The following PTGIS variants were observed in gnomAD, a reference collection of about 807,000 sequenced individuals.
PTGIS encodes the protein prostaglandin I2 synthase.
In PTGIS, 45 loss-of-function variants were observed where a neutral mutation model predicts 50.3. The observed-to-expected ratio is 0.90, with a 90% CI of 0.70 to 1.15. The LOEUF (loss-of-function observed/expected upper bound fraction) is 1.15. Among genes scored for constraint, PTGIS ranks in the 50% most tolerant of loss-of-function variants. The probability of loss-of-function intolerance (pLI) is 0.00; values close to 1 mark genes in which losing one functional copy is unlikely to be tolerated. For synonymous variants in PTGIS, 260 were observed against 267.7 expected, an observed-to-expected ratio of 0.97 and a Z score of 0.28; for missense variants, 668 against 661.3, an observed-to-expected ratio of 1.01 and a Z score of -0.11.
At position 49,507,079 on chromosome 20, in the gene PTGIS, G is replaced by A. The variant is rs1191550134; in HGVS notation, c.*841C>T. 1.3e-5 allele frequency: 2 copies of A among 152,250 alleles called. No individual in the cohort carries two copies. The highest frequency in any genetic ancestry group is 4.8e-5 in the African/African-American group (2 of 41,428). 9.4% of individuals were successfully genotyped at this position (152,250 alleles called of 1,614,324 possible). On this transcript the variant is annotated 3_prime_UTR_variant, in exon 10 of 10. Transcript: ENST00000244043. Reference sequence around the variant, plus strand: ...GCAGACTGGATCGTGATCACAGTTGGGGCTTCTGCACTAGAATGCATGAAA... The same window carrying A: ...GCAGACTGGATCGTGATCACAGTTGAGGCTTCTGCACTAGAATGCATGAAA...
chr20:49,535,565 G>A (rs1448320407), intron 5 of PTGIS, among the ~76,000 whole-genome samples: 1 of 152,236 alleles, frequency 6.6e-6, no homozygotes, highest in Non-Finnish European at 1.5e-5. Context: ...CCAGGCTGGA[G>A]TGCAGTGGCG....
rs1268767631 is a variant in PTGIS at position 49,506,194 on chromosome 20, C to G, written c.*1726G>C. ...AAGTCACCTCACCTCTCAGTTTTCT[C>G]ATCTATGAAGTGGGCACAACCCTCC... On this transcript the variant is annotated 3_prime_UTR_variant, in exon 10 of 10. Transcript: ENST00000244043. The G allele has an allele frequency of 6.6e-6, 1 of 152,436 alleles. No homozygotes were observed. Among genetic ancestry groups the G allele is most frequent in the Non-Finnish European group, 1.5e-5 (1 of 68,038 alleles). The allele number at this position is 152,436 out of a possible 1,614,324, so 9.4% of individuals were successfully genotyped here.
intron 5 of PTGIS, among the ~76,000 whole-genome samples, chr20:49,531,180 A>T (rs1271338026): frequency 6.6e-6 from 1 of 152,222 alleles, no homozygotes; most frequent in Non-Finnish European, 1.5e-5. Flanking sequence ...CACGCGAAAT[A>T]ATTTTTAAAA....
At chr20:49,517,323 C>T (rs893159142) in intron 6 of PTGIS, among the ~76,000 whole-genome samples, 1 of 152,224 alleles carries the variant, frequency 6.6e-6, no homozygotes, top group African/African-American at 2.4e-5. Context: ...ATGGGGGCCA[C>T]CGCTCATTAA....
intron 1 of PTGIS, among the ~76,000 whole-genome samples, chr20:49,554,219 A>C (rs1403029061): frequency 6.6e-6 from 1 of 152,256 alleles, no homozygotes; most frequent in East Asian, 1.9e-4. Context: ...AGCTCATATA[A>C]ATTTTTTCCC....
chr20:49,514,856 C>G (rs529054662), intron 6 of PTGIS, among the ~76,000 whole-genome samples: 1 of 152,172 alleles, frequency 6.6e-6, no homozygotes, highest in African/African-American at 2.4e-5. Context: ...TATGCTCAGC[C>G]GTGGACTTGC....
Position 49,550,151 on chromosome 20 carries a change from G to A in PTGIS, c.113C>T (p.Pro38Leu), listed in dbSNP as rs1173082660. Residue 38 changes from proline (P) to leucine (L), a missense_variant, in exon 2 of 10, where the codon CCC becomes CTC. Coordinates refer to ENST00000244043, the MANE Select transcript of PTGIS (RefSeq NM_000961.4). ...AAAGTCCAAGGCATACCCCAACCAG[G>A]GGATGCTGCCCAGGTCCAGGGGAGG... ...GEPPLDLGSI[P>L]WLGYALDFGK... is the part of the protein sequence containing the mutation. The A allele has an allele frequency of 3.1e-6, 5 of 1,613,856 alleles. No individual in the cohort carries two copies. Among genetic ancestry groups the A allele is most frequent in the Admixed American group, 3.3e-5 (2 of 60,000 alleles).
chr20:49,518,181 G>T (rs890881584), intron 6 of PTGIS, among the ~76,000 whole-genome samples: 3 of 152,210 alleles, frequency 2.0e-5, no homozygotes, highest in Admixed American at 6.5e-5. Flanking sequence ...TTATGATTTA[G>T]AAGATTCCAA....
At chr20:49,514,494 C>A (rs931522272) in intron 6 of PTGIS, 99 bp from the exon 7 acceptor site, 4 of 1,428,120 alleles carry the variant, frequency 2.8e-6, no homozygotes, top group Admixed American at 3.9e-5. Context: ...GCCAGTAGGC[C>A]TGGGTTCCCA....
At chr20:49,512,381 A>G (rs891054406) in intron 8 of PTGIS, among the ~76,000 whole-genome samples, 4 of 149,852 alleles carry the variant, frequency 2.7e-5, no homozygotes, top group African/African-American at 9.9e-5. Flanking sequence ...GAATGGGTAG[A>G]TGGGTGGATG....
chr20:49,529,520 G>A (rs1292716823), intron 5 of PTGIS, among the ~76,000 whole-genome samples: 6 of 152,046 alleles, frequency 3.9e-5, no homozygotes, highest in Non-Finnish European at 8.8e-5. Flanking sequence ...CACTTTCCAA[G>A]GTTTCCATCA....
chr20:49,555,801 T>C (rs985979264), intron 1 of PTGIS, among the ~76,000 whole-genome samples: 33 of 152,246 alleles, frequency 2.2e-4, no homozygotes, highest in Non-Finnish European at 1.3e-4. Context: ...GATCTTTTTA[T>C]AGGTGATTTA....
At position 49,550,207 on chromosome 20, in the gene PTGIS, C is replaced by T. The variant is rs13306024; in HGVS notation, c.75-18G>A. ...CAGGTCGCCTACAGAAGCCATGGCA[C>T]TTGTCACCATTTGATAAGGCAAGGA... On this transcript the variant is annotated intron_variant, in intron 1 of 9. Transcript: ENST00000244043. 0.011 allele frequency: 18,067 copies of T among 1,610,742 alleles called. 723 individuals are homozygous for T. The African/African-American group carries it at 0.13, about 12-fold the overall frequency.
chr20:49,523,822 C>G (rs548908318), intron 6 of PTGIS, among the ~76,000 whole-genome samples: 1 of 152,190 alleles, frequency 6.6e-6, no homozygotes, highest in Non-Finnish European at 1.5e-5. Context: ...TGTTTCTGTT[C>G]GTGATGCTAT....
intron 1 of PTGIS, among the ~76,000 whole-genome samples, chr20:49,564,776 ATTTT>A (rs36072980): frequency 6.6e-6 from 1 of 152,106 alleles, no homozygotes; most frequent in Admixed American, 6.6e-5. Flanking sequence ...GTGGAGTATA[ATTTT>A]TGTATGACCT....
chr20:49,560,778 T>C (rs1982751942), intron 1 of PTGIS, among the ~76,000 whole-genome samples: 2 of 151,914 alleles, frequency 1.3e-5, no homozygotes, highest in Non-Finnish European at 2.9e-5. Flanking sequence ...CCAGCGTGGC[T>C]GGAGTGGAGA....
intron 5 of PTGIS, among the ~76,000 whole-genome samples, chr20:49,538,321 T>TG (rs1284594080): frequency 6.7e-6 from 1 of 149,136 alleles, no homozygotes; most frequent in African/African-American, 2.5e-5. Context: ...CTCAGCACTT[T>TG]GGGAGGCCAA....
chr20:49,513,368 G>A (rs1981379706), intron 7 of PTGIS, 107 bp from the exon 8 acceptor site: 7 of 1,309,322 alleles, frequency 5.3e-6, no homozygotes, highest in Middle Eastern at 5.1e-4. Context: ...CTCAGAGAGG[G>A]TGCCTGCCTC....
chr20:49,524,111 C>T lies in PTGIS; in HGVS notation c.802G>A (p.Val268Met), dbSNP rs762192083. 1.9e-6 allele frequency: 3 copies of T among 1,614,268 alleles called. No individual in the cohort carries two copies. The highest frequency in any genetic ancestry group is 2.5e-6 in the Non-Finnish European group (3 of 1,180,048). Residue 268 changes from valine (V) to methionine (M), a missense_variant, in exon 6 of 10, where the codon GTG becomes ATG. By Grantham distance (21) the Val-to-Met change is conservative (BLOSUM62 1). Coordinates refer to ENST00000244043, the MANE Select transcript of PTGIS (RefSeq NM_000961.4). ...GCCCGTGCCTGCATCTCCTCTGACACACCCATCTCCTCCAGGTGCAGCAGG... is the reference window on the plus strand; with the variant it reads ...GCCCGTGCCTGCATCTCCTCTGACATACCCATCTCCTCCAGGTGCAGCAGG... ...SYLLHLEEMG[V>M]SEEMQARALV...
Sources: gnomAD v4.1 joint callset for allele counts (sites outside exome capture counted in the v4.1 genomes callset) on GRCh38, gnomAD v4.1.1 for gene constraint, MANE v1.5 for transcripts, NCBI Gene and HGNC (gene_info 2026-07-23, HGNC 2026-07-21) for gene names.